Variants in GLRA2 observed in about 807,000 individuals in gnomAD.
The protein encoded by GLRA2 is glycine receptor alpha 2, also known as glycine receptor subunit alpha-2.
In GLRA2, 11 loss-of-function variants were observed where a neutral mutation model predicts 31.6. The observed-to-expected ratio is 0.35, with a 90% CI of 0.22 to 0.58. The LOEUF (loss-of-function observed/expected upper bound fraction) is 0.58, where lower values mean the gene tolerates loss of function less well. GLRA2 is among the 20% of genes least tolerant of loss of function. GLRA2 has a pLI of 0.84. For synonymous variants in GLRA2, 132 were observed against 134.0 expected (o/e 0.99, Z 0.10); for missense variants, 212 against 351.8 (o/e 0.60, Z 3.18).
At position 14,677,008 on chromosome X, in the gene GLRA2, C is replaced by G. The variant is rs367833725; in HGVS notation, c.931-13702C>G. ...GTTCAAACAACAGATAAATGCTTAT[C>G]TAGCACCATGAAACTCTAAACCACT... On this transcript the variant is annotated intron_variant, in intron 7 of 8. Transcript: ENST00000218075. Among the ~76,000 whole-genome samples the G allele has an allele frequency of 3.6e-4, 40 of 111,800 alleles. No individual in the cohort carries two copies. In the South Asian group the frequency reaches 0.014, roughly 39 times the overall value.
At chrX:14,728,098 A>G (rs1399448199) in intron 8 of GLRA2, among the ~76,000 whole-genome samples, 1 of 112,407 alleles carries the variant, frequency 8.9e-6, no homozygotes, top group African/African-American at 3.2e-5. Flanking sequence ...TACTTTTTAA[A>G]GACCTTTGGT....
intron 7 of GLRA2, among the ~76,000 whole-genome samples, chrX:14,633,497 AAAC>A (rs374182136): frequency 3.6e-4 from 40 of 111,504 alleles, no homozygotes; most frequent in African/African-American, 1.0e-3. Flanking sequence ...TGTATCTCTA[AAAC>A]AACAACAACA....
In GLRA2 at chrX:14,690,659, T is replaced by TTC. The variant is rs763242271; in HGVS notation, c.931-33_931-32dup. The TTC allele has an allele frequency of 1.3e-3, 972 of 770,221 alleles. 2 individuals carry two copies. The highest frequency in any genetic ancestry group is 0.011 in the South Asian group (444 of 39,157). The allele number at this position is 770,221 out of a possible 1,213,427, so 63.5% of individuals were successfully genotyped here. A position where few individuals can be genotyped will look rare whatever the true frequency, so the allele number is the denominator to read the frequency against. On this transcript the variant is annotated intron_variant, in intron 7 of 8. Transcript: ENST00000218075. ...CCTGGCAGGCTTTCATAGTCTTTCT[T>TTC]TCTCTCTCTCTCTCTCTCTGTGTGT... is the stretch of plus-strand genomic sequence containing the variant.
chrX:14,687,518 TC>T (rs2091292813), intron 7 of GLRA2, among the ~76,000 whole-genome samples: 1 of 111,785 alleles, frequency 8.9e-6, no homozygotes, highest in East Asian at 2.8e-4. Context: ...TACTCTTTTT[TC>T]TCTAAGCTTC....
chrX:14,493,713 A>G, the GLRA2 span, among the ~76,000 whole-genome samples: 1 of 98,979 alleles, frequency 1.0e-5, no homozygotes, highest in African/African-American at 3.9e-5. Context: ...ATACACATGT[A>G]TACATATATA....
At chrX:14,471,056 C>T in the GLRA2 span, among the ~76,000 whole-genome samples, 4 of 111,508 alleles carry the variant, frequency 3.6e-5, no homozygotes, top group Non-Finnish European at 7.5e-5. Flanking sequence ...AGATGGTTTG[C>T]CATCAGCTGA....
the GLRA2 span, among the ~76,000 whole-genome samples, chrX:14,497,169 T>C: frequency 8.9e-6 from 1 of 111,752 alleles, no homozygotes; most frequent in African/African-American, 3.3e-5. Context: ...CTACAGAGCT[T>C]AGAGCCCAAG....
chrX:14,687,540 T>C (rs1033166294), intron 7 of GLRA2, among the ~76,000 whole-genome samples: 4 of 111,995 alleles, frequency 3.6e-5, no homozygotes, highest in African/African-American at 1.3e-4. Flanking sequence ...TCTTCTCGCT[T>C]CATTTCATTA....
intron 8 of GLRA2, among the ~76,000 whole-genome samples, chrX:14,697,865 A>G (rs1481427806): frequency 1.8e-5 from 2 of 112,261 alleles, no homozygotes; most frequent in African/African-American, 6.5e-5. Context: ...TCATTTTTGT[A>G]TGATATAAAT....
At chrX:14,479,132 T>A in the GLRA2 span, among the ~76,000 whole-genome samples, 1 of 108,993 alleles carries the variant, frequency 9.2e-6, no homozygotes, top group Non-Finnish European at 1.9e-5. Context: ...AAAAGGCAAG[T>A]GGAGAATGTA....
chrX:14,537,948 T>C (rs2089347299), intron 2 of GLRA2, among the ~76,000 whole-genome samples: 1 of 107,852 alleles, frequency 9.3e-6, no homozygotes, highest in Non-Finnish European at 1.9e-5. Flanking sequence ...ATTATACAAA[T>C]GTGTTGGTTG....
intron 7 of GLRA2, among the ~76,000 whole-genome samples, chrX:14,682,648 C>T (rs1234583415): frequency 3.6e-5 from 4 of 110,008 alleles, no homozygotes; most frequent in Non-Finnish European, 7.6e-5. Context: ...TGTGCTGCAC[C>T]CGATAACTCA....
At chrX:14,538,911 G>A (rs2089362696) in intron 2 of GLRA2, among the ~76,000 whole-genome samples, 1 of 111,580 alleles carries the variant, frequency 9.0e-6, no homozygotes, top group Non-Finnish European at 1.9e-5. Context: ...TACCAGAAAT[G>A]GAAGCCCATA....
chrX:14,461,557 G>T, the GLRA2 span, among the ~76,000 whole-genome samples: 1 of 111,845 alleles, frequency 8.9e-6, no homozygotes, highest in Non-Finnish European at 1.9e-5. Flanking sequence ...ATATATTTAG[G>T]ATAGTTAGCT....
At chrX:14,537,996 A>C (rs1425499634) in intron 2 of GLRA2, among the ~76,000 whole-genome samples, 1 of 107,766 alleles carries the variant, frequency 9.3e-6, no homozygotes, top group Non-Finnish European at 1.9e-5. Flanking sequence ...TGAACACCAA[A>C]CAACACATTT....
intron 7 of GLRA2, among the ~76,000 whole-genome samples, chrX:14,650,378 A>C (rs1255028078): frequency 9.0e-6 from 1 of 110,629 alleles, no homozygotes; most frequent in East Asian, 2.8e-4. Context: ...AAAAAAAAAA[A>C]CAAAATCCCT....
chrX:14,576,064 T>TAA lies in GLRA2; in HGVS notation c.270+1679_270+1680dup, dbSNP rs76368177. Among the ~76,000 whole-genome samples, 154 of 88,484 alleles carry TAA rather than the reference T, an allele frequency of 1.7e-3. 1 individual carries two copies. Among genetic ancestry groups the TAA allele is most frequent in the Non-Finnish European group, 2.5e-3 (110 of 44,811 alleles). 76.8% of individuals were successfully genotyped at this position (88,484 alleles called of 115,157 possible). Reference sequence around the variant, plus strand: ...TAATAAGCATAATGCCATTGAGAAGTAAAAAAAAAAAAAAAAGGTTTCCTT... The same window carrying TAA: ...TAATAAGCATAATGCCATTGAGAAGTAAAAAAAAAAAAAAAAAAGGTTTCCTT... On this transcript the variant is annotated intron_variant, in intron 3 of 8. Coordinates refer to ENST00000218075, the MANE Select transcript of GLRA2 (RefSeq NM_002063.4).
chrX:14,666,323 C>A (rs935350324), intron 7 of GLRA2, among the ~76,000 whole-genome samples: 4 of 111,661 alleles, frequency 3.6e-5, no homozygotes, highest in Non-Finnish European at 7.5e-5. Flanking sequence ...AATAATTTTG[C>A]CTGGCTTTCT....
chrX:14,659,855 T>G (rs997054821), intron 7 of GLRA2, among the ~76,000 whole-genome samples: 3 of 112,247 alleles, frequency 2.7e-5, no homozygotes, highest in African/African-American at 9.7e-5. Flanking sequence ...TAAAATAATT[T>G]GGTAATTTGA....
Sources: gnomAD v4.1 joint callset for allele counts (sites outside exome capture counted in the v4.1 genomes callset) on GRCh38, gnomAD v4.1.1 for gene constraint, MANE v1.5 for transcripts, NCBI Gene and HGNC (gene_info 2026-07-23, HGNC 2026-07-21) for gene names.